The following CHD8 variants were observed in gnomAD, a reference collection of about 807,000 sequenced individuals.
CHD8 encodes the protein chromodomain helicase DNA binding protein 8.
Under a neutral mutation model 279.2 loss-of-function variants are expected in CHD8, and 31 were observed. The observed-to-expected ratio is 0.11, with a 90% confidence interval of 0.08 to 0.15. The LOEUF (loss-of-function observed/expected upper bound fraction) is 0.15, where lower values mean the gene tolerates loss of function less well. CHD8 is among the 10% of genes least tolerant of loss of function. The pLI is 1.00. For synonymous variants in CHD8, 1,081 were observed against 1,139.6 expected (o/e 0.95, Z 1.04); for missense variants, 2,146 against 3,230.5 (o/e 0.66, Z 8.14).
intron 10 of CHD8, among the ~76,000 whole-genome samples, chr14:21,412,549 G>GTAACT (rs1458637899): frequency 6.6e-6 from 1 of 152,120 alleles, no homozygotes; most frequent in East Asian, 1.9e-4. Context: ...GAGCGAGCCT[G>GTAACT]TAGAAGTATT....
intron 27 of CHD8, 141 bp downstream of exon 27, chr14:21,397,682 C>T (rs1594336780): frequency 1.3e-6 from 1 of 767,416 alleles, no homozygotes; most frequent in Non-Finnish European, 2.1e-6. Context: ...TTTATGGAGT[C>T]CTTTCTGCTG....
chr14:21,431,635 G>C lies in CHD8; in HGVS notation c.9C>G (p.Asp3Glu). The C allele has an allele frequency of 6.5e-7, 1 of 1,540,538 alleles. No individual in the cohort carries two copies. The highest frequency in any genetic ancestry group is 8.7e-7 in the Non-Finnish European group (1 of 1,146,620). MA[D>E]PIMDLFDDPN... ...GGTCATCGAACAGATCCATGATGGG[G>C]TCTGCCATCTTGGGAAAGTAATGGA... Residue 3 changes from aspartate to glutamate, a missense_variant, in exon 2 of 38, where the codon GAC (aspartate) becomes GAG (glutamate). Around this residue, in one of 26 missense-constraint regions of CHD8, gnomAD observed 302 missense variants for 325.5 expected, o/e 0.93. Coordinates refer to ENST00000646647, the MANE Select transcript of CHD8 (RefSeq NM_001170629.2).
chr14:21,449,688 A>C (rs748714068), intron 1 of CHD8, among the ~76,000 whole-genome samples: 17 of 152,304 alleles, frequency 1.1e-4, no homozygotes, highest in Non-Finnish European at 1.9e-4. Flanking sequence ...AATCACTTTT[A>C]TGTTTGTAGG....
At position 21,385,709 on chromosome 14, in the gene CHD8, T is replaced by A. The variant is rs1887192182; in HGVS notation, c.7650A>T (p.Leu2550Phe). The A allele has an allele frequency of 3.2e-6, 5 of 1,551,832 alleles. No individual in the cohort carries two copies. Among genetic ancestry groups the A allele is most frequent in the East Asian group, 2.4e-5 (1 of 40,908 alleles). The change falls in exon 38 of 38, where the codon TTA (leucine) becomes TTT (phenylalanine). Residue 2550 changes from leucine to phenylalanine, a missense_variant. Leu to Phe is a conservative substitution (Grantham distance 22). Transcript: ENST00000646647. Reference sequence around the variant, plus strand: ...TTTCTGAGCTATCATAGCCCTGAGATAAGTCATCATCATCTTCTTCATCCT... The same window carrying A: ...TTTCTGAGCTATCATAGCCCTGAGAAAAGTCATCATCATCTTCTTCATCCT... The part of the protein sequence containing the change: ...DDEDEEDDDD[L>F]SQGYDSSERD...
At chr14:21,417,582 C>T (rs1376861214) in intron 5 of CHD8, among the ~76,000 whole-genome samples, 3 of 151,870 alleles carry the variant, frequency 2.0e-5, no homozygotes, top group African/African-American at 4.8e-5. Context: ...TAGCCGGGCA[C>T]GGTGGCTCAC....
At position 21,429,123 on chromosome 14, in the gene CHD8, C is replaced by G. The variant is rs1198180182; in HGVS notation, c.1056G>C (p.Gln352His). The change falls in exon 3 of 38, where the codon CAG (glutamine) becomes CAC (histidine). Residue 352 changes from glutamine to histidine, a missense_variant. Physicochemically the swap from Gln to His is conservative, Grantham distance 24. Transcript: ENST00000646647. ...GCGATGATGGTGGTTGTGGTACAAT[C>G]TGGATTTTTTGCTGTGGCTGCTGCA... ...LQVQQPQQKI[Q>H]IVPQPPSSQP... 1 of 1,613,834 alleles carries G rather than the reference C, an allele frequency of 6.2e-7. No individual in the cohort carries two copies. The highest frequency in any genetic ancestry group is 1.3e-5 in the African/African-American group (1 of 74,894).
At chr14:21,391,182 C>A (rs1199182684) in intron 36 of CHD8, 119 bp from the exon 37 acceptor site, 2 of 766,932 alleles carry the variant, frequency 2.6e-6, no homozygotes, top group East Asian at 5.4e-5. Context: ...AGGATTCATC[C>A]TAGTGGAAAA....
chr14:21,427,166 G>A, intron 4 of CHD8: 1 of 154,182 alleles, frequency 6.5e-6, no homozygotes. Context: ...TTCTATAATA[G>A]ATCACCTTGA....
intron 1 of CHD8, chr14:21,437,372 G>T (rs987096261): frequency 3.3e-6 from 2 of 610,376 alleles, no homozygotes; most frequent in Non-Finnish European, 4.3e-6. Flanking sequence ...GGGACTATAA[G>T]GAGCTCCCTT....
At chr14:21,436,347 G>A (rs910103220) in intron 1 of CHD8, among the ~76,000 whole-genome samples, 10 of 152,224 alleles carry the variant, frequency 6.6e-5, no homozygotes, top group Admixed American at 2.6e-4. Flanking sequence ...AATCCAAAGG[G>A]CTAAAATGAA....
intron 1 of CHD8, chr14:21,437,446 G>A (rs1889836474): frequency 5.3e-6 from 1 of 187,290 alleles, no homozygotes; most frequent in South Asian, 1.0e-4. Context: ...TAGGGCCGAG[G>A]CGAAGCCTGC....
At chr14:21,452,232 C>T (rs1232914489) in intron 1 of CHD8, among the ~76,000 whole-genome samples, 16 of 152,030 alleles carry the variant, frequency 1.1e-4, no homozygotes, top group African/African-American at 3.6e-4. Flanking sequence ...TAAGTAGAGA[C>T]GGGGTTTCAC....
chr14:21,404,106 A>AG (rs1362805609), intron 16 of CHD8, among the ~76,000 whole-genome samples: 2 of 151,274 alleles, frequency 1.3e-5, no homozygotes, highest in East Asian at 3.9e-4. Flanking sequence ...CTTAAAAAAA[A>AG]AAAAAAATCA....
At position 21,410,918 on chromosome 14, in the gene CHD8, G is replaced by A. The variant is rs1879195842; in HGVS notation, c.2227-930C>T. Among the ~76,000 whole-genome samples, 4 of 152,026 alleles carry A rather than the reference G, an allele frequency of 2.6e-5. No homozygotes were observed. In the South Asian group the frequency reaches 8.3e-4, roughly 32 times the overall value. On this transcript the variant is annotated intron_variant, in intron 10 of 37. Coordinates refer to ENST00000646647, the MANE Select transcript of CHD8 (RefSeq NM_001170629.2). ...TCTCTATATAAAGCCATTTGTCCAGGTCACATATTTCCAGCATAATATCTA... is the reference window on the plus strand; with the variant it reads ...TCTCTATATAAAGCCATTTGTCCAGATCACATATTTCCAGCATAATATCTA...
chr14:21,416,745 T>C (rs1473139859), intron 5 of CHD8: 1 of 152,210 alleles, frequency 6.6e-6, no homozygotes, highest in African/African-American at 2.4e-5. Context: ...ATAGCATTTC[T>C]ACATATAATC....
chr14:21,416,915 G>C (rs1053187143), intron 5 of CHD8, among the ~76,000 whole-genome samples: 3 of 152,186 alleles, frequency 2.0e-5, no homozygotes, highest in East Asian at 1.9e-4. Flanking sequence ...AGACCAGCCT[G>C]GTCAACATGG....
rs1888365785 is a variant in CHD8, at chr14:21,408,952, T to G, written c.2365-127A>C. 4 of 998,298 alleles carry G rather than the reference T, an allele frequency of 4.0e-6. No homozygotes were observed. The highest frequency in any genetic ancestry group is 1.7e-5 in the South Asian group (1 of 57,476). The allele number at this position is 998,298 out of a possible 1,614,324, so 61.8% of individuals were successfully genotyped here. The stretch of plus-strand genomic sequence containing the variant: ...TTTGGATTAAAACATGTCAAATATA[T>G]TTAAATTTATGAGTTCATAACGTTA... On this transcript the variant is annotated intron_variant, in intron 11 of 37. Transcript: ENST00000646647. The surrounding 1 kb of genome is among the most constrained non-coding windows in gnomAD (Gnocchi z 4.3).
At chr14:21,414,482 A>T in intron 8 of CHD8, 64 bp from the exon 9 acceptor site, 1 of 877,622 alleles carries the variant, frequency 1.1e-6, no homozygotes, top group Admixed American at 2.2e-5. Flanking sequence ...TACTGTCTGA[A>T]ATTTTGGGAT....
intron 1 of CHD8, among the ~76,000 whole-genome samples, chr14:21,445,297 C>T (rs142465479): frequency 3.9e-4 from 60 of 152,274 alleles, no homozygotes; most frequent in South Asian, 1.2e-3. Flanking sequence ...TTGGGCCAGG[C>T]GCCGTGGCTC....
Sources: gnomAD v4.1 joint callset for allele counts (sites outside exome capture counted in the v4.1 genomes callset) on GRCh38, gnomAD v4.1.1 for gene constraint, gnomAD v4.1.1 regional missense constraint, Gnocchi (gnomAD v3.1) non-coding constraint, MANE v1.5 for transcripts, NCBI Gene and HGNC (gene_info 2026-07-23, HGNC 2026-07-21) for gene names.